SERINC5: variants seen among roughly 807,000 people sequenced by gnomAD.
SERINC5 encodes chromosome 5 open reading frame 12.
Under a neutral mutation model 63.1 loss-of-function variants are expected in SERINC5, and 41 were observed. The ratio of observed to expected loss-of-function variants is 0.65; its 90% confidence interval spans 0.51 to 0.84. SERINC5 has a LOEUF of 0.84. SERINC5 is among the 40% of genes least tolerant of loss of function. SERINC5 has a pLI of 0.00. For synonymous variants in SERINC5, 222 were observed against 215.2 expected, an observed-to-expected ratio of 1.03 and a Z score of -0.28; for missense variants, 523 against 573.0, an observed-to-expected ratio of 0.91 and a Z score of 0.89.
At chr5:80,112,792 T>A (rs115782162) in intron 12 of SERINC5, among the ~76,000 whole-genome samples, 5,324 of 151,888 alleles carry the variant, frequency 0.035, 296 homozygotes, top group African/African-American at 0.12. Flanking sequence ...AAAAAATAAA[T>A]AAATAAATAA....
Position 80,158,798 on chromosome 5 carries a change from G to A in SERINC5, c.986+38C>T. ...TCAATTCTTTTCCTGTAATTTTAAA[G>A]TCTGCAAAAGTGACCTTGAGTAACT... On this transcript the variant is annotated intron_variant, in intron 8 of 11. Coordinates refer to ENST00000507668, the MANE Select transcript of SERINC5 (RefSeq NM_001174072.3). 3 of 1,585,062 alleles carry A rather than the reference G, an allele frequency of 1.9e-6. No individual in the cohort carries two copies. The South Asian group carries it at 3.4e-5, about 18-fold the overall frequency.
At chr5:80,189,959 C>T (rs1037703821) in intron 2 of SERINC5, among the ~76,000 whole-genome samples, 5 of 152,276 alleles carry the variant, frequency 3.3e-5, no homozygotes, top group African/African-American at 1.2e-4. Flanking sequence ...GATCCTCCCA[C>T]TGCAGCATCC....
intron 1 of SERINC5, among the ~76,000 whole-genome samples, chr5:80,209,986 G>A (rs13358601): frequency 0.64 from 96,573 of 151,448 alleles, 31,208 homozygotes; most frequent in African/African-American, 0.73. Flanking sequence ...CTGGGACCAC[G>A]GGTCGAGGCT....
At chr5:80,177,825 G>A in intron 3 of SERINC5, 61 bp downstream of exon 3, 1 of 1,316,704 alleles carries the variant, frequency 7.6e-7, no homozygotes, top group Non-Finnish European at 1.0e-6. Context: ...ATGGGATCCT[G>A]GACTACTGTC....
At chr5:80,178,213 A>AT in intron 2 of SERINC5, 149 bp from the exon 3 acceptor site, 1 of 502,876 alleles carries the variant, frequency 2.0e-6, no homozygotes, top group East Asian at 3.1e-5. Flanking sequence ...CTAAAGAGAT[A>AT]TTTTTCTAAT....
At chr5:80,143,865 T>C in intron 11 of SERINC5, 55 bp from the exon 12 acceptor site, 1 of 1,514,870 alleles carries the variant, frequency 6.6e-7, no homozygotes, top group Non-Finnish European at 8.8e-7. Context: ...TGAGATACAA[T>C]TCACTAATTC....
Position 80,177,401 on chromosome 5 carries a change from G to T in SERINC5, c.375-4C>A, listed in dbSNP as rs750896796. ...CAGAAGTTTAAAGAACCAAAAGCTA[G>T]AAGTGGGGGGAAAAAAAAGAGGAAA... is the stretch of plus-strand genomic sequence containing the variant. On this transcript the variant is annotated splice_polypyrimidine_tract_variant and splice_region_variant and intron_variant, in intron 3 of 11. Coordinates refer to ENST00000507668, the MANE Select transcript of SERINC5 (RefSeq NM_001174072.3). The T allele has an allele frequency of 1.2e-6, 2 of 1,609,512 alleles. No individual in the cohort carries two copies. Among genetic ancestry groups the T allele is most frequent in the South Asian group, 2.2e-5 (2 of 90,840 alleles).
At chr5:80,226,678 C>T (rs4704644) in intron 1 of SERINC5, among the ~76,000 whole-genome samples, 91,106 of 151,932 alleles carry the variant, frequency 0.6, 27,597 homozygotes, top group African/African-American at 0.67. Flanking sequence ...ACCACCGTTC[C>T]GAAAGCCATT....
rs756676419 is a variant in SERINC5 at position 80,141,378 on chromosome 5, CTGCT to C, written c.*2281_*2284del. The C allele has an allele frequency of 4.1e-6, 4 of 985,454 alleles. No individual in the cohort carries two copies. The highest frequency in any genetic ancestry group is 4.8e-6 in the Non-Finnish European group (4 of 829,948). 61.0% of individuals were successfully genotyped at this position (985,454 alleles called of 1,614,324 possible). On this transcript the variant is annotated 3_prime_UTR_variant, in exon 12 of 12. Transcript: ENST00000507668. ...ACTCCCTTGCTTGGGCTTCCCTAAG[CTGCT>C]TTCTGCAGAGGAAAGGGCCAATCAC...
At chr5:80,130,102 G>A (rs576059756) in intron 11 of SERINC5, among the ~76,000 whole-genome samples, 205 of 152,198 alleles carry the variant, frequency 1.3e-3, no homozygotes, top group Non-Finnish European at 1.6e-3. Flanking sequence ...CATTTTAGCC[G>A]GACTTGGTGG....
chr5:80,158,760 A>G, intron 8 of SERINC5, 76 bp downstream of exon 8: 1 of 1,450,140 alleles, frequency 6.9e-7, no homozygotes, highest in Non-Finnish European at 9.5e-7. Flanking sequence ...CCTCACAGCT[A>G]CTGAAAGTTA....
intron 11 of SERINC5, among the ~76,000 whole-genome samples, chr5:80,126,430 A>G (rs1580023565): frequency 6.6e-6 from 1 of 152,222 alleles, no homozygotes; most frequent in Admixed American, 6.5e-5. Context: ...ACAAAAGAAT[A>G]TATCTTTTAG....
intron 1 of SERINC5, among the ~76,000 whole-genome samples, chr5:80,211,937 T>C (rs1750450135): frequency 1.3e-5 from 2 of 152,238 alleles, no homozygotes; most frequent in Admixed American, 1.3e-4. Flanking sequence ...TCACAGTTTT[T>C]AGCTTCAGTG....
At chr5:80,170,340 G>A (rs537942451) in intron 5 of SERINC5, among the ~76,000 whole-genome samples, 106 of 152,204 alleles carry the variant, frequency 7.0e-4, no homozygotes, top group South Asian at 6.8e-3. Flanking sequence ...AAAGGTTTAG[G>A]GACAAGCAGA....
At position 80,141,641 on chromosome 5, in the gene SERINC5, C is replaced by A. The variant is rs967369395; in HGVS notation, c.*2022G>T. The A allele has an allele frequency of 2.0e-6, 2 of 985,616 alleles. No individual in the cohort carries two copies. The highest frequency in any genetic ancestry group is 2.4e-6 in the Non-Finnish European group (2 of 830,046). The allele number at this position is 985,616 out of a possible 1,614,324, so 61.1% of individuals were successfully genotyped here. A position where few individuals can be genotyped will look rare whatever the true frequency, so the allele number is the denominator to read the frequency against. On this transcript the variant is annotated 3_prime_UTR_variant, in exon 12 of 12. Coordinates refer to ENST00000507668, the MANE Select transcript of SERINC5 (RefSeq NM_001174072.3). Reference sequence around the variant, plus strand: ...CCCCCAAGGCCCTAGGCCACTGCAACACAGCTACTGTGTGTGACACGCAGC... The same window carrying A: ...CCCCCAAGGCCCTAGGCCACTGCAAAACAGCTACTGTGTGTGACACGCAGC...
At position 80,229,050 on chromosome 5, in the gene SERINC5, T is replaced by TGGGTGGG. The variant is rs1751304306; in HGVS notation, c.28-25998_28-25997insCCCACCC. Among the ~76,000 whole-genome samples the TGGGTGGG allele has an allele frequency of 5.0e-4, 47 of 94,104 alleles. 7 individuals are homozygous for TGGGTGGG. Among genetic ancestry groups the TGGGTGGG allele is most frequent in the Non-Finnish European group, 8.3e-4 (39 of 46,824 alleles). The allele number at this position is 94,104 out of a possible 152,430, so 61.7% of individuals were successfully genotyped here. On this transcript the variant is annotated intron_variant, in intron 1 of 11. Coordinates refer to ENST00000507668, the MANE Select transcript of SERINC5 (RefSeq NM_001174072.3). Reference sequence around the variant, plus strand: ...TTTTTTTTTTTTTTTTTTTTTTTTTTGGGGATGGAGTTGCCTAGGCTGGAG... The same window carrying TGGGTGGG: ...TTTTTTTTTTTTTTTTTTTTTTTTTTGGGTGGGGGGGATGGAGTTGCCTAGGCTGGAG...
intron 2 of SERINC5, among the ~76,000 whole-genome samples, chr5:80,198,889 T>C (rs984087906): frequency 4.6e-5 from 7 of 152,196 alleles, no homozygotes; most frequent in African/African-American, 1.7e-4. Flanking sequence ...GGGACAGGCA[T>C]AGAAACATTT....
downstream of SERINC5, among the ~76,000 whole-genome samples, chr5:80,135,196 C>G (rs6893450): frequency 0.6 from 91,278 of 151,998 alleles, 28,098 homozygotes; most frequent in African/African-American, 0.72. Context: ...ACCAAGCCCG[C>G]CTAATTTTTG....
chr5:80,128,707 A>G (rs1744833098), intron 11 of SERINC5, among the ~76,000 whole-genome samples: 1 of 152,230 alleles, frequency 6.6e-6, no homozygotes, highest in East Asian at 1.9e-4. Flanking sequence ...CCATAGGATC[A>G]TTGTGAGAAT....
Sources: allele counts gnomAD v4.1 joint callset (sites outside exome capture counted in the v4.1 genomes callset), GRCh38; gene constraint gnomAD v4.1.1; transcripts MANE v1.5; gene names NCBI Gene and HGNC (gene_info 2026-07-23, HGNC 2026-07-21).